The following RECK variants were observed in gnomAD, a reference collection of about 807,000 sequenced individuals.
RECK encodes reversion-inducing cysteine-rich protein with Kazal motifs.
In RECK, 69 loss-of-function variants were observed where a neutral mutation model predicts 115.1. That is an observed-to-expected ratio of 0.60 (90% confidence interval 0.49 to 0.73). The LOEUF is 0.73. RECK is among the 30% of genes least tolerant of loss of function. The probability of loss-of-function intolerance (pLI) is 0.00; values close to 1 mark genes in which losing one functional copy is unlikely to be tolerated. For missense variants in RECK, 1,047 were observed against 1,203.7 expected (o/e 0.87, Z 1.93); for synonymous variants, 414 against 419.7 (o/e 0.99, Z 0.17).
At chr9:36,081,236 G>A (rs757301517) in intron 7 of RECK, among the ~76,000 whole-genome samples, 44 of 152,208 alleles carry the variant, frequency 2.9e-4, no homozygotes, top group Non-Finnish European at 5.6e-4. Context: ...GAAAACACAT[G>A]TAAGGAACAA....
At chr9:36,108,252 A>AG in intron 14 of RECK, 88 bp downstream of exon 14, 1 of 987,864 alleles carries the variant, frequency 1.0e-6, no homozygotes, top group Non-Finnish European at 1.5e-6. Flanking sequence ...CTGACCACAG[A>AG]GTAAGGTCTG....
chr9:36,037,097 G>T lies in RECK; in HGVS notation c.99G>T (p.Ala33=), dbSNP rs1032693049. The change falls in exon 1 of 21, where the codon GCG becomes GCT. Residue 33 remains alanine (A), a splice_region_variant and synonymous_variant. Coordinates refer to ENST00000377966, the MANE Select transcript of RECK (RefSeq NM_021111.3). Reference sequence around the variant, plus strand: ...CAGGGGGCCTGGCTCCGGGCAGTGCGGGTGAGTAACCTCCAGAGCAACGGT... The same window carrying T: ...CAGGGGGCCTGGCTCCGGGCAGTGCTGGTGAGTAACCTCCAGAGCAACGGT... The part of the protein sequence containing the change: ...EVAGGLAPGS[A]GALCCNHSKD... 2 of 1,332,098 alleles carry T rather than the reference G, an allele frequency of 1.5e-6. No homozygotes were observed. Among genetic ancestry groups the T allele is most frequent in the Non-Finnish European group, 1.9e-6 (2 of 1,037,082 alleles). 82.5% of individuals were successfully genotyped at this position (1,332,098 alleles called of 1,614,324 possible).
chr9:36,052,081 C>A (rs997757034), intron 1 of RECK, among the ~76,000 whole-genome samples, 184 bp from the exon 2 acceptor site: 1 of 152,124 alleles, frequency 6.6e-6, no homozygotes, highest in Non-Finnish European at 1.5e-5. Context: ...GGACAGGGAC[C>A]ATGTCCTCAA....
chr9:36,118,630 G>C, intron 17 of RECK, 127 bp from the exon 18 acceptor site: 1 of 858,256 alleles, frequency 1.2e-6, no homozygotes, highest in Non-Finnish European at 1.8e-6. Flanking sequence ...AGGAACTTAA[G>C]AGGTCCTCAT....
At chr9:36,122,760 G>T in intron 20 of RECK, 64 bp from the exon 21 acceptor site, 1 of 1,341,820 alleles carries the variant, frequency 7.5e-7, no homozygotes, top group Middle Eastern at 1.9e-4. Context: ...CGTGGAATTT[G>T]TCTGGCTTGA....
At chr9:36,121,068 C>G (rs2149006) in intron 19 of RECK, among the ~76,000 whole-genome samples, 102,987 of 152,012 alleles carry the variant, frequency 0.68, 35,789 homozygotes, top group African/African-American at 0.83. Context: ...TGCCCAGGTG[C>G]TTTTGAGGTC....
chr9:36,088,011 AT>A (rs768675981), intron 9 of RECK, 50 bp downstream of exon 9: 1 of 1,422,034 alleles, frequency 7.0e-7, no homozygotes, highest in Non-Finnish European at 9.8e-7. Flanking sequence ...TGGCATTTTA[AT>A]TAATGATTTT....
chr9:36,076,167 G>A (rs553167165), intron 6 of RECK, among the ~76,000 whole-genome samples: 27 of 152,300 alleles, frequency 1.8e-4, no homozygotes, highest in African/African-American at 5.3e-4. Flanking sequence ...ATGACACTGC[G>A]TTGTGAGAAT....
chr9:36,058,923 C>T (rs201732674), intron 3 of RECK, 22 bp downstream of exon 3: 37 of 1,433,848 alleles, frequency 2.6e-5, no homozygotes, highest in Non-Finnish European at 3.2e-5. Context: ...TGTAACTTAA[C>T]TGTAGAAGCT....
intron 2 of RECK, among the ~76,000 whole-genome samples, chr9:36,058,623 G>A (rs1312828768): frequency 1.4e-5 from 2 of 147,676 alleles, no homozygotes; most frequent in Non-Finnish European, 3.0e-5. Context: ...TGCACATTGT[G>A]CACATGTACC....
intron 6 of RECK, among the ~76,000 whole-genome samples, chr9:36,068,999 A>T (rs1158453252): frequency 6.6e-6 from 1 of 152,226 alleles, no homozygotes; most frequent in East Asian, 1.9e-4. Flanking sequence ...GGTAACACAG[A>T]TCCTCTCTGG....
intron 1 of RECK, among the ~76,000 whole-genome samples, chr9:36,047,639 C>G (rs1287920215): frequency 6.6e-6 from 1 of 152,038 alleles, no homozygotes; most frequent in African/African-American, 2.4e-5. Context: ...TCGGTCCTCC[C>G]TTGTGTTAGC....
At chr9:36,071,338 T>G (rs1015739449) in intron 6 of RECK, among the ~76,000 whole-genome samples, 2 of 152,216 alleles carry the variant, frequency 1.3e-5, no homozygotes, top group African/African-American at 4.8e-5. Context: ...GGCTGATGAA[T>G]TCCCAGAGAC....
intron 1 of RECK, among the ~76,000 whole-genome samples, chr9:36,041,085 G>T (rs997278032): frequency 2.0e-5 from 3 of 152,124 alleles, no homozygotes; most frequent in African/African-American, 4.8e-5. Flanking sequence ...GAGGTATAAA[G>T]TGGTAAGCAA....
chr9:36,064,508 T>A (rs1411295564), intron 5 of RECK, among the ~76,000 whole-genome samples: 1 of 152,206 alleles, frequency 6.6e-6, no homozygotes, highest in Non-Finnish European at 1.5e-5. Flanking sequence ...AAACTAGAAG[T>A]GGTTAGATGG....
At chr9:36,093,753 G>A (rs10116228) in intron 10 of RECK, among the ~76,000 whole-genome samples, 5,745 of 152,162 alleles carry the variant, frequency 0.038, 183 homozygotes, top group East Asian at 0.15. Flanking sequence ...GGAAACCTTA[G>A]TAAACGCTAA....
At chr9:36,109,877 G>T (rs1321989880) in intron 14 of RECK, 80 bp from the exon 15 acceptor site, 48 of 1,221,816 alleles carry the variant, frequency 3.9e-5, no homozygotes, top group African/African-American at 3.0e-4. Flanking sequence ...TTTAAAACTT[G>T]TTGAACTATT....
intron 3 of RECK, among the ~76,000 whole-genome samples, chr9:36,059,377 AC>A (rs1204789858): frequency 1.3e-5 from 2 of 151,278 alleles, no homozygotes; most frequent in Non-Finnish European, 2.9e-5. Flanking sequence ...AATTGCTTGA[AC>A]CCAGGAGGCG....
At chr9:36,075,978 G>A (rs1410008187) in intron 6 of RECK, among the ~76,000 whole-genome samples, 1 of 152,104 alleles carries the variant, frequency 6.6e-6, no homozygotes, top group Admixed American at 6.6e-5. Context: ...AGAGAGAGCT[G>A]GAGTAGTCAG....
Sources: gnomAD v4.1 joint callset for allele counts (sites outside exome capture counted in the v4.1 genomes callset) on GRCh38, gnomAD v4.1.1 for gene constraint, MANE v1.5 for transcripts, NCBI Gene and HGNC (gene_info 2026-07-23, HGNC 2026-07-21) for gene names.